The following BNC2 variants were observed in gnomAD, a reference collection of about 807,000 sequenced individuals.
BNC2 encodes basonuclin zinc finger protein 2.
A neutral mutation model predicts 76.3 loss-of-function variants in BNC2; 20 were observed. That is an observed-to-expected ratio of 0.26 (90% confidence interval 0.18 to 0.38). BNC2 has a LOEUF of 0.38. Among genes scored for constraint, BNC2 ranks in the 10% least tolerant of loss-of-function variants. The pLI, the probability that BNC2 is intolerant of heterozygous loss-of-function variation, is 1.00. For missense variants in BNC2, 1,382 were observed against 1,399.8 expected (o/e 0.99, Z 0.20); for synonymous variants, 582 against 514.8 (o/e 1.13, Z -1.77).
intron 5 of BNC2, among the ~76,000 whole-genome samples, chr9:16,539,188 G>T (rs1257822100): frequency 6.6e-6 from 1 of 151,966 alleles, no homozygotes; most frequent in Non-Finnish European, 1.5e-5. Flanking sequence ...CTCAAAACAG[G>T]GGGAAAAAAA....
intron 6 of BNC2, chr9:16,434,771 A>C: frequency 2.2e-6 from 1 of 452,596 alleles, no homozygotes; most frequent in Non-Finnish European, 4.4e-6. Flanking sequence ...ATGTCATCTG[A>C]AGGCTGGACA....
chr9:16,830,410 A>G (rs77574390), intron 1 of BNC2, among the ~76,000 whole-genome samples: 60 of 152,342 alleles, frequency 3.9e-4, no homozygotes, highest in African/African-American at 1.3e-3. Flanking sequence ...ACATCCTCTT[A>G]TACTTGAAAT....
chr9:16,606,907 T>C (rs1820402938), intron 3 of BNC2, among the ~76,000 whole-genome samples: 2 of 152,176 alleles, frequency 1.3e-5, no homozygotes, highest in South Asian at 4.1e-4. Context: ...CAAGCTCCTT[T>C]GGCCTGCGGC....
At chr9:16,832,545 G>A (rs940039654) in intron 1 of BNC2, among the ~76,000 whole-genome samples, 7 of 152,072 alleles carry the variant, frequency 4.6e-5, no homozygotes, top group Admixed American at 1.3e-4. Context: ...CAACGAATCC[G>A]AACCCAAGTT....
At chr9:16,616,749 G>A (rs1457240495) in intron 3 of BNC2, among the ~76,000 whole-genome samples, 2 of 146,568 alleles carry the variant, frequency 1.4e-5, no homozygotes, top group South Asian at 2.2e-4. Flanking sequence ...GGAAAGGAAG[G>A]AGGGCAGGAA....
intron 3 of BNC2, among the ~76,000 whole-genome samples, chr9:16,665,463 A>T (rs1216154764): frequency 6.8e-6 from 1 of 146,304 alleles, no homozygotes; most frequent in East Asian, 2.0e-4. Context: ...AGAAAGAAAG[A>T]AAGAAAGAAA....
intron 5 of BNC2, among the ~76,000 whole-genome samples, chr9:16,549,774 G>A (rs147275502): frequency 1.7e-3 from 258 of 151,762 alleles, no homozygotes; most frequent in African/African-American, 2.2e-3. Context: ...TTTCCAAACC[G>A]AGAACTGTTT....
Position 16,675,254 on chromosome 9 carries a change from A to AT in BNC2, c.330+52542dup, listed in dbSNP as rs112364703. Among the ~76,000 whole-genome samples, 270 of 147,294 alleles carry AT rather than the reference A, an allele frequency of 1.8e-3. 1 individual carries two copies. Among genetic ancestry groups the AT allele is most frequent in the Non-Finnish European group, 2.4e-3 (159 of 66,394 alleles). The stretch of plus-strand genomic sequence containing the variant: ...ACAAAACAAGGACTAAATTGAGTTA[A>AT]TTTTTTTTTTTTTAAGTCTCACTGT... On this transcript the variant is annotated intron_variant, in intron 3 of 6. Transcript: ENST00000380672.
intron 1 of BNC2, among the ~76,000 whole-genome samples, chr9:16,851,034 G>C (rs141782457): frequency 7.6e-4 from 116 of 151,796 alleles, no homozygotes; most frequent in African/African-American, 2.7e-3. Flanking sequence ...ATCTTCTAGG[G>C]TGACTATTTT....
chr9:16,845,327 TAC>T (rs1563968374), intron 1 of BNC2, among the ~76,000 whole-genome samples: 1 of 152,172 alleles, frequency 6.6e-6, no homozygotes, highest in Admixed American at 6.5e-5. Context: ...TTTTTACAGT[TAC>T]AGTCCTCAGA....
At chr9:16,619,937 A>G (rs1254192526) in intron 3 of BNC2, among the ~76,000 whole-genome samples, 1 of 152,196 alleles carries the variant, frequency 6.6e-6, no homozygotes, top group East Asian at 1.9e-4. Flanking sequence ...ATTTTGCATG[A>G]TGCTTTCAGT....
At chr9:16,579,211 C>T (rs987994235) in intron 4 of BNC2, among the ~76,000 whole-genome samples, 21 of 152,240 alleles carry the variant, frequency 1.4e-4, no homozygotes, top group African/African-American at 4.8e-4. Flanking sequence ...AAAAGTAACA[C>T]AGCCCACTAA....
At chr9:16,837,046 G>A (rs1586923067) in intron 1 of BNC2, among the ~76,000 whole-genome samples, 1 of 152,154 alleles carries the variant, frequency 6.6e-6, no homozygotes. Flanking sequence ...TATCTCAGGT[G>A]GGGGACTACA....
In BNC2 at chr9:16,603,013, C is replaced by T. The variant is rs150346866; in HGVS notation, c.331-19928G>A. Among the ~76,000 whole-genome samples the T allele has an allele frequency of 3.3e-3, 500 of 152,194 alleles. 2 individuals carry two copies. Among genetic ancestry groups the T allele is most frequent in the African/African-American group, 0.011 (457 of 41,534 alleles). On this transcript the variant is annotated intron_variant, in intron 3 of 6. Coordinates refer to ENST00000380672, the MANE Select transcript of BNC2 (RefSeq NM_017637.6). The stretch of plus-strand genomic sequence containing the variant: ...TATCCACTGAATTTTTGGGAATTTC[C>T]GAAAACAAGAAATTTCCTTACTGGA...
chr9:16,760,848 GA>G (rs1563930776), intron 1 of BNC2, among the ~76,000 whole-genome samples: 1 of 151,772 alleles, frequency 6.6e-6, no homozygotes, highest in African/African-American at 2.4e-5. Flanking sequence ...GGAAACAGGG[GA>G]AAAAATAATG....
chr9:16,780,235 CAAAAAAAAA>C (rs372583425), intron 1 of BNC2, among the ~76,000 whole-genome samples: 50 of 66,314 alleles, frequency 7.5e-4, no homozygotes, highest in African/African-American at 1.6e-3. Context: ...GACTTCGTTT[CAAAAAAAAA>C]AAAAAAAAAA....
At chr9:16,762,688 G>T (rs1327756438) in intron 1 of BNC2, among the ~76,000 whole-genome samples, 1 of 152,158 alleles carries the variant, frequency 6.6e-6, no homozygotes, top group African/African-American at 2.4e-5. Flanking sequence ...AACAGAGCCT[G>T]GCTTCAAGAA....
At chr9:16,563,986 T>C (rs1182732855) in intron 4 of BNC2, among the ~76,000 whole-genome samples, 1 of 151,570 alleles carries the variant, frequency 6.6e-6, no homozygotes, top group Non-Finnish European at 1.5e-5. Flanking sequence ...AAATATTTTA[T>C]TAATTTTCAT....
intron 5 of BNC2, among the ~76,000 whole-genome samples, chr9:16,516,544 G>A (rs916368522): frequency 1.3e-5 from 2 of 152,102 alleles, no homozygotes; most frequent in African/African-American, 4.8e-5. Context: ...CCCCAATACA[G>A]GGTGAGAACT....
Sources: allele counts gnomAD v4.1 joint callset (sites outside exome capture counted in the v4.1 genomes callset), GRCh38; gene constraint gnomAD v4.1.1; transcripts MANE v1.5; gene names NCBI Gene and HGNC (gene_info 2026-07-23, HGNC 2026-07-21).